Variants in COL6A3 observed in about 807,000 individuals in gnomAD.
The protein encoded by COL6A3 is collagen alpha-3(VI) chain.
A neutral mutation model predicts 274.1 loss-of-function variants in COL6A3; 137 were observed. The ratio of observed to expected loss-of-function variants is 0.50; its 90% CI spans 0.44 to 0.58. The LOEUF is 0.58. COL6A3 is among the 20% of genes least tolerant of loss of function. The pLI, the probability that COL6A3 is intolerant of heterozygous loss-of-function variation, is 0.00. For synonymous variants in COL6A3, 1,650 were observed against 1,650.6 expected (o/e 1.00, Z 0.01); for missense variants, 3,950 against 4,124.9 (o/e 0.96, Z 1.16).
At chr2:237,327,629 G>C (rs1457805123) in intron 42 of COL6A3, 1 of 152,136 alleles carries the variant, frequency 6.6e-6, no homozygotes, top group Non-Finnish European at 1.5e-5. Flanking sequence ...GGAAAACCAA[G>C]AGAAATATAT....
Position 237,345,063 on chromosome 2 carries a change from T to C in COL6A3, c.7157A>G (p.Lys2386Arg). The C allele has an allele frequency of 6.2e-7, 1 of 1,614,196 alleles. No homozygotes were observed. Among genetic ancestry groups the C allele is most frequent in the Non-Finnish European group, 8.5e-7 (1 of 1,180,014 alleles). Residue 2386 changes from lysine to arginine, a missense_variant, in exon 34 of 44, where the codon AAA (lysine) becomes AGA (arginine). Lys to Arg is a conservative substitution (Grantham distance 26, BLOSUM62 2). Around this residue, in one of 5 missense-constraint regions of COL6A3, gnomAD observed 1,284 missense variants for 1,349.7 expected, o/e 0.95. Transcript: ENST00000295550. ...ACAGAAAATCATGTACTTACGGCAT[T>C]TATCTTTGATGCTTTGGATGAGGGC... is the stretch of plus-strand genomic sequence containing the variant. The part of the protein sequence containing the change: ...QCALIQSIKD[K>R]CPCCYGPLEC...
chr2:237,391,714 G>A (rs1276056854), intron 3 of COL6A3, among the ~76,000 whole-genome samples: 3 of 152,024 alleles, frequency 2.0e-5, no homozygotes, highest in Non-Finnish European at 4.4e-5. Context: ...TGGTAGAGAC[G>A]GGGTTTCACC....
chr2:237,344,867 G>T lies in COL6A3; in HGVS notation c.7175-24C>A, dbSNP rs773838542. 6.2e-7 allele frequency: 1 copy of T among 1,613,798 alleles called. No individual in the cohort carries two copies. The highest frequency in any genetic ancestry group is 8.5e-7 in the Non-Finnish European group (1 of 1,180,030). On this transcript the variant is annotated intron_variant, in intron 35 of 43. Transcript: ENST00000295550. This position sits in a 1 kb window ranked among gnomAD's most constrained non-coding sequence, Gnocchi z 4.8. ...CCCTGTGGAAAGTAGAGGGTGGAGG[G>T]TTAAAGACAAACTGTACTTACTACA...
chr2:237,373,258 G>A (rs2077740529), intron 8 of COL6A3, among the ~76,000 whole-genome samples: 2 of 152,112 alleles, frequency 1.3e-5, no homozygotes, highest in Admixed American at 6.5e-5. Flanking sequence ...GTCCATCCTC[G>A]GCAATCTGGG....
Position 237,378,791 on chromosome 2 carries a change from G to T in COL6A3, c.2342C>A (p.Ala781Glu). 5 of 1,614,190 alleles carry T rather than the reference G, an allele frequency of 3.1e-6. No homozygotes were observed. Among genetic ancestry groups the T allele is most frequent in the East Asian group, 2.2e-5 (1 of 44,886 alleles). The part of the protein sequence containing the change: ...ILTFCVGASQ[A>E]NKAELEQIAF... The stretch of plus-strand genomic sequence containing the variant: ...AATCTGCTCAAGCTCTGCCTTATTC[G>T]CCTGGCTAGCTCCCACACAAAAAGT... Residue 781 changes from alanine (A) to glutamate (E), a missense_variant, in exon 6 of 44, where the codon GCG becomes GAG. Coordinates refer to ENST00000295550, the MANE Select transcript of COL6A3 (RefSeq NM_004369.4).
Position 237,408,507 on chromosome 2 carries a change from G to A in COL6A3, c.-31+5446C>T, listed in dbSNP as rs115488441. Among the ~76,000 whole-genome samples the A allele has an allele frequency of 2.0e-3, 311 of 152,334 alleles. 1 individual carries two copies. Among genetic ancestry groups the A allele is most frequent in the African/African-American group, 7.4e-3 (306 of 41,582 alleles). Reference sequence around the variant, plus strand: ...CTGGGCTGCTGAATCAACTAATGAAGATTCCAGAAGTGAAAAACCAGTTTC... The same window carrying A: ...CTGGGCTGCTGAATCAACTAATGAAAATTCCAGAAGTGAAAAACCAGTTTC... On this transcript the variant is annotated intron_variant, in intron 1 of 43. Transcript: ENST00000295550.
intron 41 of COL6A3, among the ~76,000 whole-genome samples, chr2:237,333,874 A>G (rs1700392732): frequency 6.6e-6 from 1 of 152,160 alleles, no homozygotes; most frequent in Non-Finnish European, 1.5e-5. Flanking sequence ...CTATGGGCCT[A>G]ATCCATGGCA....
chr2:237,344,214 C>T lies in COL6A3; in HGVS notation c.7668+136G>A. On this transcript the variant is annotated intron_variant, in intron 36 of 43. Coordinates refer to ENST00000295550, the MANE Select transcript of COL6A3 (RefSeq NM_004369.4). The surrounding 1 kb of genome is among the most constrained non-coding windows in gnomAD (Gnocchi z 4.8). ...TCCTGGAGACCTCACAAGAGAAGTT[C>T]TCAGGCAGATGGCCTCATTGGGGAC... 1 of 1,351,090 alleles carries T rather than the reference C, an allele frequency of 7.4e-7. No homozygotes were observed. Among genetic ancestry groups the T allele is most frequent in the South Asian group, 1.2e-5 (1 of 85,204 alleles). The allele number at this position is 1,351,090 out of a possible 1,614,324, so 83.7% of individuals were successfully genotyped here. A position where few individuals can be genotyped will look rare whatever the true frequency, so the allele number is the denominator to read the frequency against.
At position 237,368,004 on chromosome 2, in the gene COL6A3, C is replaced by T. The variant is rs758247459; in HGVS notation, c.4900+559G>A. ...TTGAAGAACCAACCCTAATGGTTTG[C>T]TTCAGATGTCTACATGGCGATTACT... On this transcript the variant is annotated intron_variant, in intron 10 of 43. Coordinates refer to ENST00000295550, the MANE Select transcript of COL6A3 (RefSeq NM_004369.4). The surrounding 1 kb of genome is among the most constrained non-coding windows in gnomAD (Gnocchi z 4.4). 1.3e-5 allele frequency among the ~76,000 whole-genome samples: 2 copies of T among 152,214 alleles called. No individual in the cohort carries two copies. The highest frequency in any genetic ancestry group is 2.4e-5 in the African/African-American group (1 of 41,450).
In COL6A3 at chr2:237,371,950, G is replaced by A. The variant is rs773386189; in HGVS notation, c.4067C>T (p.Ala1356Val). Residue 1356 changes from alanine (A) to valine (V), a missense_variant, in exon 9 of 44, where the codon GCG becomes GTG. By Grantham distance (64) the Ala-to-Val change is moderately conservative. Coordinates refer to ENST00000295550, the MANE Select transcript of COL6A3 (RefSeq NM_004369.4). This position sits in a 1 kb window ranked among gnomAD's most constrained non-coding sequence, Gnocchi z 4.3. ...GKSDDEVDDPAVELKQFGVAP... is the reference protein window; with the variant it reads ...GKSDDEVDDPVVELKQFGVAP... ...CACGCCAAACTGCTTGAGCTCCACC[G>A]CCGGGTCGTCCACCTCATCGTCAGA... The A allele has an allele frequency of 7.4e-6, 12 of 1,614,036 alleles. No individual in the cohort carries two copies. The highest frequency in any genetic ancestry group is 2.2e-5 in the South Asian group (2 of 91,072).
At chr2:237,327,390 G>A (rs971501579) in intron 42 of COL6A3, 3 of 152,384 alleles carry the variant, frequency 2.0e-5, no homozygotes, top group Admixed American at 2.0e-4. Context: ...GTCACGAGAG[G>A]TCTGCCCAGA....
At chr2:237,353,462 T>G in intron 24 of COL6A3, 59 bp from the exon 25 acceptor site, 10 of 1,456,264 alleles carry the variant, frequency 6.9e-6, no homozygotes, top group Non-Finnish European at 8.7e-6. Context: ...ATGTCAGCTC[T>G]TTGCTCTACA....
intron 1 of COL6A3, among the ~76,000 whole-genome samples, chr2:237,404,394 ATCT>A (rs2106401167): frequency 6.6e-6 from 1 of 152,304 alleles, no homozygotes; most frequent in East Asian, 1.9e-4. Context: ...TTTAATGCAA[ATCT>A]TCTGGAAGAT....
In COL6A3 at chr2:237,361,210, G is replaced by A. The variant is rs373262188; in HGVS notation, c.6157-36C>T. 50 of 1,603,054 alleles carry A rather than the reference G, an allele frequency of 3.1e-5. No homozygotes were observed. Among genetic ancestry groups the A allele is most frequent in the African/African-American group, 1.3e-4 (10 of 74,664 alleles). ...GTAATCGGGTCCTCTGTTTAATCCC[G>A]TGGTCTTCTTTGCTCTACAGTAAGA... On this transcript the variant is annotated intron_variant, in intron 15 of 43. Transcript: ENST00000295550. This position sits in a 1 kb window ranked among gnomAD's most constrained non-coding sequence, Gnocchi z 5.1.
Position 237,354,922 on chromosome 2 carries a change from G to T in COL6A3, c.6604C>A (p.Arg2202=), listed in dbSNP as rs774115247. 2 of 1,613,828 alleles carry T rather than the reference G, an allele frequency of 1.2e-6. No individual in the cohort carries two copies. The highest frequency in any genetic ancestry group is 2.2e-5 in the South Asian group (2 of 90,968). ...GETGKNGGFG[R]RGPPGAKGNK... ...ACCTTAGCTCCGGGGGGTCCCCTTCGGCCAAAGCCACCCTGTGGAAGAAAA... is the reference window on the plus strand; with the variant it reads ...ACCTTAGCTCCGGGGGGTCCCCTTCTGCCAAAGCCACCCTGTGGAAGAAAA... The change falls in exon 24 of 44, where the codon CGA becomes AGA. Residue 2202 remains arginine (R), a synonymous_variant. Coordinates refer to ENST00000295550, the MANE Select transcript of COL6A3 (RefSeq NM_004369.4).
chr2:237,403,238 A>C (rs183302824), intron 1 of COL6A3, among the ~76,000 whole-genome samples: 2 of 152,158 alleles, frequency 1.3e-5, no homozygotes, highest in Non-Finnish European at 2.9e-5. Flanking sequence ...CGGCCCAGCT[A>C]TGAGGAAGAC....
rs1381509824 is a variant in COL6A3, at chr2:237,407,263, A to G, written c.-31+6690T>C. On this transcript the variant is annotated intron_variant, in intron 1 of 43. Transcript: ENST00000295550. The surrounding 1 kb of genome is among the most constrained non-coding windows in gnomAD (Gnocchi z 4.3). Reference sequence around the variant, plus strand: ...TCTAGAACAATAATCTGTTTGACTCAAACTGAATGTGTATCCTGTGATAGC... The same window carrying G: ...TCTAGAACAATAATCTGTTTGACTCGAACTGAATGTGTATCCTGTGATAGC... Among the ~76,000 whole-genome samples the G allele has an allele frequency of 6.6e-6, 1 of 152,180 alleles. No homozygotes were observed. The highest frequency in any genetic ancestry group is 6.5e-5 in the Admixed American group (1 of 15,276).
intron 30 of COL6A3, 54 bp from the exon 31 acceptor site, chr2:237,347,923 T>G: frequency 6.6e-7 from 1 of 1,522,890 alleles, no homozygotes; most frequent in Non-Finnish European, 9.0e-7. Flanking sequence ...AAGATCTCAC[T>G]GAGGGTCCGT....
Position 237,339,052 on chromosome 2 carries a change from G to T in COL6A3, c.8530C>A (p.Pro2844Thr). 6.2e-6 allele frequency: 10 copies of T among 1,614,044 alleles called. No homozygotes were observed. The highest frequency in any genetic ancestry group is 8.5e-6 in the Non-Finnish European group (10 of 1,179,954). Residue 2844 changes from proline (P) to threonine (T), a missense_variant, in exon 39 of 44, where the codon CCC becomes ACC. This residue lies in a region of COL6A3 where 1,284 missense variants were observed against 1,349.7 expected (regional missense o/e 0.95). Transcript: ENST00000295550. ...CCAAACTTCACAAGGTTCTTTGTGG[G>T]TTGGTCCCCTTGGAACCAATCACAC... ...KQCDWFQGDQ[P>T]TKNLVKFGHK...
Sources: allele counts gnomAD v4.1 joint callset (sites outside exome capture counted in the v4.1 genomes callset), GRCh38; gene constraint gnomAD v4.1.1; regional missense constraint gnomAD v4.1.1; non-coding constraint Gnocchi (gnomAD v3.1); transcripts MANE v1.5; gene names NCBI Gene and HGNC (gene_info 2026-07-23, HGNC 2026-07-21).